Variants in PIWIL3 observed in about 807,000 individuals in gnomAD.
PIWIL3 encodes the protein piwi-like protein 3.
In PIWIL3, 101 loss-of-function variants were observed where a neutral mutation model predicts 109.7. The ratio of observed to expected loss-of-function variants is 0.92; its 90% confidence interval spans 0.78 to 1.09. The LOEUF (loss-of-function observed/expected upper bound fraction) is 1.09. Among genes scored for constraint, PIWIL3 ranks in the 50% least tolerant of loss-of-function variants. The pLI is 0.00. For synonymous variants in PIWIL3, 373 were observed against 376.4 expected (o/e 0.99, Z 0.10); for missense variants, 1,031 against 1,072.6 (o/e 0.96, Z 0.54).
chr22:24,744,414 A>G (rs973580776), intron 12 of PIWIL3, among the ~76,000 whole-genome samples: 3 of 151,918 alleles, frequency 2.0e-5, no homozygotes, highest in Non-Finnish European at 4.4e-5. Flanking sequence ...TACTAAAAAT[A>G]CAAAAAAAAT....
rs189423430 is a variant in PIWIL3, at chr22:24,773,660, T to C, written c.-23+662A>G. Among the ~76,000 whole-genome samples the C allele has an allele frequency of 7.6e-3, 1,153 of 152,162 alleles. 16 individuals are homozygous for C. The highest frequency in any genetic ancestry group is 0.026 in the African/African-American group (1,083 of 41,460). ...CATATGTATCTAAAATATATTAAGTTTTTAAAAGTAGGTTATTAAAGGATA... is the reference window on the plus strand; with the variant it reads ...CATATGTATCTAAAATATATTAAGTCTTTAAAAGTAGGTTATTAAAGGATA... On this transcript the variant is annotated intron_variant, in intron 1 of 20. Transcript: ENST00000616349.
At chr22:24,733,255 C>G (rs974266449) in intron 14 of PIWIL3, among the ~76,000 whole-genome samples, 1 of 152,040 alleles carries the variant, frequency 6.6e-6, no homozygotes, top group South Asian at 2.1e-4. Context: ...CAAGATCATC[C>G]TGGGGGAAGA....
intron 4 of PIWIL3, among the ~76,000 whole-genome samples, chr22:24,757,677 C>CACAA (rs1024998080): frequency 7.3e-6 from 1 of 136,988 alleles, no homozygotes; most frequent in East Asian, 2.0e-4. Flanking sequence ...CACACACACA[C>CACAA]ACACACACAC....
chr22:24,745,717 G>GAAAAAAAAAAA (rs71189273), intron 12 of PIWIL3, among the ~76,000 whole-genome samples: 4 of 80,244 alleles, frequency 5.0e-5, no homozygotes, highest in Non-Finnish European at 7.5e-5. Context: ...GTCAGACTAA[G>GAAAAAAAAAAA]AAAAAAAAAA....
intron 14 of PIWIL3, among the ~76,000 whole-genome samples, chr22:24,730,015 T>C (rs1334781404): frequency 2.0e-5 from 3 of 152,098 alleles, no homozygotes; most frequent in African/African-American, 7.2e-5. Flanking sequence ...AGCTTTAAGT[T>C]TTTTGGTTTT....
At chr22:24,749,058 A>G (rs1924547341) in intron 11 of PIWIL3, 37 bp from the exon 12 acceptor site, 5 of 1,508,062 alleles carry the variant, frequency 3.3e-6, no homozygotes, top group Non-Finnish European at 4.6e-6. Flanking sequence ...ATCAAACCAA[A>G]TAAGTAAAAG....
chr22:24,725,436 G>C lies in PIWIL3; in HGVS notation c.2080+9C>G, dbSNP rs973811276. 6.2e-6 allele frequency: 10 copies of C among 1,613,338 alleles called. No homozygotes were observed. Among genetic ancestry groups the C allele is most frequent in the Non-Finnish European group, 8.5e-6 (10 of 1,180,016 alleles). Reference sequence around the variant, plus strand: ...GTGTCGGGTTCCCCGACCGCTACAAGACACTGACCTTTCAAGCAGATCTCC... The same window carrying C: ...GTGTCGGGTTCCCCGACCGCTACAACACACTGACCTTTCAAGCAGATCTCC... On this transcript the variant is annotated intron_variant, in intron 17 of 20. Transcript: ENST00000616349.
rs893792700 is a variant in PIWIL3, at chr22:24,766,230, T to A, written c.-22-3709A>T. Among the ~76,000 whole-genome samples, 21 of 152,158 alleles carry A rather than the reference T, an allele frequency of 1.4e-4. 1 individual carries two copies. The highest frequency in any genetic ancestry group is 5.1e-4 in the African/African-American group (21 of 41,520). ...TTGAGCTCCTGAGCTCAAGCGATCA[T>A]CCCATCTCAGCCTCCCGAATTTCTG... On this transcript the variant is annotated intron_variant, in intron 1 of 20. Transcript: ENST00000616349.
At chr22:24,735,458 G>A (rs8139987) in intron 13 of PIWIL3, among the ~76,000 whole-genome samples, 4 of 151,982 alleles carry the variant, frequency 2.6e-5, no homozygotes, top group South Asian at 2.1e-4. Context: ...GGAAACATGC[G>A]TGAGAATTCT....
At chr22:24,748,244 A>G (rs1488383214) in intron 12 of PIWIL3, among the ~76,000 whole-genome samples, 1 of 152,158 alleles carries the variant, frequency 6.6e-6, no homozygotes, top group African/African-American at 2.4e-5. Flanking sequence ...AATTGAACTC[A>G]TGGAGATAGA....
At position 24,719,842 on chromosome 22, in the gene PIWIL3, G is replaced by A. The variant is rs745546773; in HGVS notation, c.2411C>T (p.Thr804Ile). The A allele has an allele frequency of 6.2e-7, 1 of 1,611,490 alleles. No homozygotes were observed. Among genetic ancestry groups the A allele is most frequent in the South Asian group, 1.1e-5 (1 of 91,034 alleles). The change falls in exon 20 of 21, where the codon ACT (threonine) becomes ATT (isoleucine). Residue 804 changes from threonine to isoleucine, a missense_variant. By Grantham distance (89) the Thr-to-Ile change is moderately conservative. Transcript: ENST00000616349. ...QSVQDGTVTP[T>I]HYNVIYDTIG... Reference sequence around the variant, plus strand: ...CGTGTCATAGATGACGTTATAATGAGTGGGGGTAACAGTCCCATCTTGCAC... The same window carrying A: ...CGTGTCATAGATGACGTTATAATGAATGGGGGTAACAGTCCCATCTTGCAC...
chr22:24,758,475 TCAC>T (rs1925222711), intron 3 of PIWIL3, among the ~76,000 whole-genome samples: 1 of 152,214 alleles, frequency 6.6e-6, no homozygotes, highest in African/African-American at 2.4e-5. Context: ...TAGGAAAGGA[TCAC>T]ACTCACTATT....
Position 24,724,207 on chromosome 22 carries a change from C to T in PIWIL3, c.2231+680G>A, listed in dbSNP as rs536558269. ...CCACTATTTATATCAAGCTCCTACTCTCATCACACATTGTATTGGTGTTTT... is the reference window on the plus strand; with the variant it reads ...CCACTATTTATATCAAGCTCCTACTTTCATCACACATTGTATTGGTGTTTT... On this transcript the variant is annotated intron_variant, in intron 18 of 20. Coordinates refer to ENST00000616349, the MANE Select transcript of PIWIL3 (RefSeq NM_001255975.1). Among the ~76,000 whole-genome samples the T allele has an allele frequency of 6.6e-5, 10 of 152,224 alleles. No homozygotes were observed. The South Asian group carries it at 2.1e-3, about 32-fold the overall frequency.
intron 1 of PIWIL3, among the ~76,000 whole-genome samples, chr22:24,764,236 A>C (rs568991391): frequency 1.3e-5 from 2 of 152,320 alleles, no homozygotes; most frequent in South Asian, 2.1e-4. Context: ...CGGACTCAAG[A>C]GATGCCGCGA....
At chr22:24,767,207 A>G (rs541436396) in intron 1 of PIWIL3, among the ~76,000 whole-genome samples, 2 of 151,638 alleles carry the variant, frequency 1.3e-5, no homozygotes, top group South Asian at 4.2e-4. Flanking sequence ...AAATATCCTA[A>G]AGATTTGAAA....
chr22:24,757,615 T>TACATACACACACAC (rs1555913039), intron 4 of PIWIL3, among the ~76,000 whole-genome samples: 2 of 79,474 alleles, frequency 2.5e-5, no homozygotes, highest in African/African-American at 9.5e-5. Context: ...AAAATTTACA[T>TACATACACACACAC]ACACACACAC....
chr22:24,743,455 A>G (rs1369436508), intron 12 of PIWIL3, among the ~76,000 whole-genome samples: 2 of 152,246 alleles, frequency 1.3e-5, no homozygotes, highest in Non-Finnish European at 2.9e-5. Context: ...TGTTCAGTCA[A>G]TGAGTAGATA....
chr22:24,752,399 C>G (rs1485424527), intron 8 of PIWIL3, among the ~76,000 whole-genome samples: 3 of 152,126 alleles, frequency 2.0e-5, no homozygotes, highest in African/African-American at 7.2e-5. Flanking sequence ...GAGATCACAT[C>G]TGCATAATGA....
intron 4 of PIWIL3, among the ~76,000 whole-genome samples, chr22:24,757,257 T>C (rs6004260): frequency 0.031 from 4,759 of 151,968 alleles, 85 homozygotes; most frequent in African/African-American, 0.035. Context: ...ATTAGAACAT[T>C]TGTGGTTTCC....
Sources: allele counts gnomAD v4.1 joint callset (sites outside exome capture counted in the v4.1 genomes callset), GRCh38; gene constraint gnomAD v4.1.1; transcripts MANE v1.5; gene names NCBI Gene and HGNC (gene_info 2026-07-23, HGNC 2026-07-21).